The following PDE1C variants were observed in gnomAD, a reference collection of about 807,000 sequenced individuals.
PDE1C encodes the protein phosphodiesterase 1C.
In PDE1C, 62 loss-of-function variants were observed where a neutral mutation model predicts 93.1. That is an observed-to-expected ratio of 0.67 (90% CI 0.54 to 0.82). The LOEUF is 0.82. PDE1C is among the 40% of genes least tolerant of loss of function. PDE1C has a pLI of 0.00. For synonymous variants in PDE1C, 325 were observed against 310.1 expected, an observed-to-expected ratio of 1.05 and a Z score of -0.50; for missense variants, 742 against 884.6, an observed-to-expected ratio of 0.84 and a Z score of 2.04.
At chr7:31,737,816 A>AAAAG in the PDE1C span, among the ~76,000 whole-genome samples, 2 of 151,882 alleles carry the variant, frequency 1.3e-5, no homozygotes, top group African/African-American at 4.8e-5. Flanking sequence ...AAAAAAAAAA[A>AAAAG]AAGTCCATTT....
chr7:31,803,557 C>G (rs1427058677), intron 16 of PDE1C, among the ~76,000 whole-genome samples: 2 of 151,890 alleles, frequency 1.3e-5, no homozygotes, highest in African/African-American at 2.4e-5. Flanking sequence ...CTCCCCCAAC[C>G]CCACAACAGT....
In PDE1C at chr7:32,232,856, C is replaced by G. The variant is rs531718219; in HGVS notation, c.86-23317G>C. Among the ~76,000 whole-genome samples the G allele has an allele frequency of 3.2e-3, 487 of 152,332 alleles. 1 individual carries two copies. Among genetic ancestry groups the G allele is most frequent in the African/African-American group, 0.011 (460 of 41,566 alleles). On this transcript the variant is annotated intron_variant, in intron 1 of 18. Coordinates refer to the PDE1C transcript ENST00000396193. Reference sequence around the variant, plus strand: ...AATTTGACATTCTAATCACAACCCACAGAAGGCTGGTCAAAACTTTCAATC... The same window carrying G: ...AATTTGACATTCTAATCACAACCCAGAGAAGGCTGGTCAAAACTTTCAATC...
intron 3 of PDE1C, among the ~76,000 whole-genome samples, chr7:32,095,471 G>C (rs1233387603): frequency 1.3e-5 from 2 of 152,118 alleles, no homozygotes; most frequent in African/African-American, 4.8e-5. Context: ...TGCTAAAACT[G>C]GTTCACCCTT....
chr7:31,859,820 A>G (rs561378816), intron 7 of PDE1C, among the ~76,000 whole-genome samples: 1 of 152,296 alleles, frequency 6.6e-6, no homozygotes, highest in East Asian at 1.9e-4. Context: ...ATATACTTTC[A>G]TATATATCTA....
chr7:31,750,860 T>C (rs1343182565), downstream of PDE1C, among the ~76,000 whole-genome samples: 1 of 152,208 alleles, frequency 6.6e-6, no homozygotes, highest in African/African-American at 2.4e-5. Context: ...GCCTCCTGAG[T>C]AGCTGCGCAA....
chr7:32,016,230 C>A (rs576110082), intron 2 of PDE1C, among the ~76,000 whole-genome samples: 1 of 152,320 alleles, frequency 6.6e-6, no homozygotes, highest in East Asian at 1.9e-4. Flanking sequence ...CACTGCCAGA[C>A]CTATAACACT....
At chr7:32,391,843 C>T (rs1172643801) in intron 1 of PDE1C, among the ~76,000 whole-genome samples, 1 of 151,514 alleles carries the variant, frequency 6.6e-6, no homozygotes. Context: ...CAAAGCAATG[C>T]TTAGAGGAAA....
chr7:32,426,415 AGG>A (rs1785535296), intron 1 of PDE1C, among the ~76,000 whole-genome samples: 1 of 152,030 alleles, frequency 6.6e-6, no homozygotes, highest in South Asian at 2.1e-4. Flanking sequence ...CTGGGACTAC[AGG>A]CATGCACCAT....
intron 1 of PDE1C, among the ~76,000 whole-genome samples, chr7:32,404,542 TA>T (rs1785013864): frequency 6.6e-6 from 1 of 152,060 alleles, no homozygotes; most frequent in Non-Finnish European, 1.5e-5. Context: ...TTTATTTTTT[TA>T]AGAGACAGGG....
At chr7:32,181,086 T>C (rs1343089179) in intron 2 of PDE1C, among the ~76,000 whole-genome samples, 3 of 152,168 alleles carry the variant, frequency 2.0e-5, no homozygotes, top group Admixed American at 6.5e-5. Context: ...GTCTACATGA[T>C]ATCTGGATCA....
At chr7:31,786,938 T>TATC (rs1562792195) in intron 16 of PDE1C, 1 of 64,746 alleles carries the variant, frequency 1.5e-5, no homozygotes, top group Non-Finnish European at 3.2e-5. Flanking sequence ...TCTATCTATC[T>TATC]ATCTATCTAT....
At chr7:31,842,205 A>G (rs1791993832) in intron 9 of PDE1C, among the ~76,000 whole-genome samples, 1 of 152,156 alleles carries the variant, frequency 6.6e-6, no homozygotes, top group Non-Finnish European at 1.5e-5. Context: ...TAATTAGTTA[A>G]TATTTTACTG....
chr7:31,694,415 C>CACACAG, the PDE1C span, among the ~76,000 whole-genome samples: 5 of 151,652 alleles, frequency 3.3e-5, no homozygotes, highest in African/African-American at 1.2e-4. Flanking sequence ...CACACACACA[C>CACACAG]AGATTTAATA....
chr7:32,420,142 C>CATATATATGTGTATATATATAT (rs1785374410), intron 1 of PDE1C, among the ~76,000 whole-genome samples: 1 of 31,294 alleles, frequency 3.2e-5, no homozygotes, highest in Admixed American at 6.3e-4. Flanking sequence ...CACACACACA[C>CATATATATGTGTATATATATAT]ACACACACAC....
chr7:31,803,672 T>G (rs1786394860), intron 16 of PDE1C, among the ~76,000 whole-genome samples: 1 of 152,012 alleles, frequency 6.6e-6, no homozygotes, highest in African/African-American at 2.4e-5. Flanking sequence ...CTTGCGACAG[T>G]TTGCTGAGAA....
At chr7:31,620,917 C>G in the PDE1C span, among the ~76,000 whole-genome samples, 2 of 151,948 alleles carry the variant, frequency 1.3e-5, no homozygotes, top group Admixed American at 6.6e-5. Flanking sequence ...CTTAAAGGAG[C>G]TGATGGAGCT....
chr7:31,903,231 G>T (rs1210281559), intron 2 of PDE1C, among the ~76,000 whole-genome samples: 2 of 151,684 alleles, frequency 1.3e-5, no homozygotes, highest in African/African-American at 4.8e-5. Context: ...TTTGCAAATG[G>T]GAGTCATGGG....
intron 1 of PDE1C, among the ~76,000 whole-genome samples, chr7:32,252,941 C>T (rs1023999954): frequency 6.6e-6 from 1 of 152,184 alleles, no homozygotes; most frequent in Non-Finnish European, 1.5e-5. Flanking sequence ...TAACAAACAG[C>T]TCATACACCA....
intron 6 of PDE1C, among the ~76,000 whole-genome samples, chr7:31,872,382 C>T (rs1234525911): frequency 6.6e-6 from 1 of 152,066 alleles, no homozygotes; most frequent in Non-Finnish European, 1.5e-5. Flanking sequence ...GAAGAGAGGA[C>T]TTGAAATGTT....
Sources: allele counts gnomAD v4.1 joint callset (sites outside exome capture counted in the v4.1 genomes callset), GRCh38; gene constraint gnomAD v4.1.1; transcripts MANE v1.5; gene names NCBI Gene and HGNC (gene_info 2026-07-23, HGNC 2026-07-21).